Variants in CNTN6 observed in about 807,000 individuals in gnomAD.
The protein encoded by CNTN6 is contactin-6.
In CNTN6, 137 loss-of-function variants were observed where a neutral mutation model predicts 122.8. The ratio of observed to expected loss-of-function variants is 1.12; its 90% CI spans 0.97 to 1.29. The LOEUF is 1.29. CNTN6 is among the 50% of genes most tolerant of loss of function. The pLI is 0.00. For synonymous variants in CNTN6, 570 were observed against 426.0 expected (o/e 1.34, Z -4.16); for missense variants, 1,634 against 1,223.4 (o/e 1.34, Z -5.01).
intron 7 of CNTN6, among the ~76,000 whole-genome samples, chr3:1,320,627 T>C (rs1014328305): frequency 6.6e-6 from 1 of 151,748 alleles, no homozygotes; most frequent in Non-Finnish European, 1.5e-5. Context: ...ATTATTCAAA[T>C]CATCTAAAAA....
intron 4 of CNTN6, among the ~76,000 whole-genome samples, chr3:1,256,073 G>A (rs1464613382): frequency 6.6e-6 from 1 of 151,928 alleles, no homozygotes. Context: ...GTCTCCCTAT[G>A]TTGCCCACGC....
chr3:1,128,178 C>G (rs1396488114), intron 1 of CNTN6: 2 of 151,918 alleles, frequency 1.3e-5, no homozygotes, highest in Non-Finnish European at 2.9e-5. Flanking sequence ...AAATTGTGAT[C>G]TTTCTTCCAT....
At chr3:1,291,125 C>G (rs892519283) in intron 5 of CNTN6, among the ~76,000 whole-genome samples, 42 of 152,166 alleles carry the variant, frequency 2.8e-4, no homozygotes, top group African/African-American at 1.0e-3. Flanking sequence ...CTGCTCCTCC[C>G]ACATGTTATG....
chr3:1,173,779 A>G (rs889036519), intron 2 of CNTN6, among the ~76,000 whole-genome samples: 2 of 128,622 alleles, frequency 1.6e-5, no homozygotes, highest in Admixed American at 7.3e-5. Flanking sequence ...CTTTTGGGGA[A>G]AAAAAAAAAA....
At chr3:1,300,505 A>C (rs544467451) in intron 7 of CNTN6, among the ~76,000 whole-genome samples, 95 of 138,364 alleles carry the variant, frequency 6.9e-4, no homozygotes, top group Non-Finnish European at 1.0e-3. Flanking sequence ...AAAGAAAAGA[A>C]AGAGAAAGAA....
intron 12 of CNTN6, among the ~76,000 whole-genome samples, chr3:1,369,136 C>G (rs1239193349): frequency 6.6e-6 from 1 of 152,216 alleles, no homozygotes; most frequent in Non-Finnish European, 1.5e-5. Flanking sequence ...CTAGTTTCCT[C>G]TCTCTACCTG....
rs188477353 is a variant in CNTN6, at chr3:1,184,389, C to T, written c.56-36298C>T. Among the ~76,000 whole-genome samples, 75 of 152,198 alleles carry T rather than the reference C, an allele frequency of 4.9e-4. 1 individual carries two copies. The highest frequency in any genetic ancestry group is 1.9e-3 in the South Asian group (9 of 4,824). ...AACCCAGAAATTACAGTGAAGGTAA[C>T]GCTCATATGATAGGATGGGCAGTTT... On this transcript the variant is annotated intron_variant, in intron 2 of 22. Coordinates refer to ENST00000446702, the MANE Select transcript of CNTN6 (RefSeq NM_001289080.2).
At chr3:1,208,970 T>G (rs936496534) in intron 2 of CNTN6, among the ~76,000 whole-genome samples, 3 of 152,184 alleles carry the variant, frequency 2.0e-5, no homozygotes, top group Non-Finnish European at 4.4e-5. Context: ...TTATGTTGGA[T>G]TTATCACTGT....
Position 1,308,322 on chromosome 3 carries a change from T to TGTGTGTGTGTGC in CNTN6, c.761+10332_761+10333insTGTGTGTGTGCG, listed in dbSNP as rs940409528. ...GTGTGTGTGTGTGTGTGTGTGTGTG[T>TGTGTGTGTGTGC]GCACCTGTTAGCACTTTCTTATTTA... On this transcript the variant is annotated intron_variant, in intron 7 of 22. Coordinates refer to ENST00000446702, the MANE Select transcript of CNTN6 (RefSeq NM_001289080.2). 4.0e-5 allele frequency among the ~76,000 whole-genome samples: 6 copies of TGTGTGTGTGTGC among 149,486 alleles called. No homozygotes were observed. In the East Asian group the frequency reaches 1.2e-3, roughly 30 times the overall value.
chr3:1,314,956 G>T (rs116588042), intron 7 of CNTN6, among the ~76,000 whole-genome samples: 14 of 152,030 alleles, frequency 9.2e-5, no homozygotes, highest in African/African-American at 3.4e-4. Context: ...TAAGAGAATT[G>T]CTTCATATTG....
At chr3:1,268,954 C>T (rs914692211) in intron 4 of CNTN6, among the ~76,000 whole-genome samples, 8 of 151,696 alleles carry the variant, frequency 5.3e-5, no homozygotes, top group South Asian at 2.1e-4. Context: ...GCACTCCAGC[C>T]GAGGCAAGAG....
intron 12 of CNTN6, among the ~76,000 whole-genome samples, chr3:1,366,507 T>C (rs1708241881): frequency 6.6e-6 from 1 of 152,142 alleles, no homozygotes; most frequent in South Asian, 2.1e-4. Context: ...ATGCTTGAGT[T>C]TCTTAAGAAT....
At chr3:1,167,507 G>A (rs1390177371) in intron 2 of CNTN6, among the ~76,000 whole-genome samples, 1 of 152,116 alleles carries the variant, frequency 6.6e-6, no homozygotes, top group Non-Finnish European at 1.5e-5. Flanking sequence ...AAATAATGAA[G>A]TGCCCCGTGA....
At chr3:1,234,404 A>G (rs1374473358) in intron 4 of CNTN6, among the ~76,000 whole-genome samples, 1 of 152,190 alleles carries the variant, frequency 6.6e-6, no homozygotes, top group African/African-American at 2.4e-5. Context: ...AAGCAAGAAC[A>G]AAAACCCTCA....
chr3:1,351,182 C>T (rs972489581), intron 11 of CNTN6, among the ~76,000 whole-genome samples: 4 of 151,794 alleles, frequency 2.6e-5, no homozygotes, highest in African/African-American at 7.2e-5. Context: ...TGCAAATTGT[C>T]GTTGGCTGGT....
chr3:1,385,731 A>C lies in CNTN6; in HGVS notation c.2638A>C (p.Arg880=), dbSNP rs763414030. Residue 880 remains arginine (R), a synonymous_variant, in exon 20 of 23, where the codon AGA becomes CGA. Coordinates refer to ENST00000446702, the MANE Select transcript of CNTN6 (RefSeq NM_001289080.2). ...KANTIYFASV[R]AYNTAGTGPS... ...TAATACCATCTACTTTGCTTCCGTA[A>C]GAGCTTACAACACTGCTGGGACAGG... 1.9e-6 allele frequency: 3 copies of C among 1,614,178 alleles called. No individual in the cohort carries two copies. Among genetic ancestry groups the C allele is most frequent in the Non-Finnish European group, 2.5e-6 (3 of 1,179,980 alleles).
intron 2 of CNTN6, among the ~76,000 whole-genome samples, chr3:1,178,605 C>T (rs1447519776): frequency 6.6e-6 from 1 of 152,124 alleles, no homozygotes; most frequent in Non-Finnish European, 1.5e-5. Context: ...TAGTTTCCTT[C>T]CCCCCACTGT....
intron 11 of CNTN6, among the ~76,000 whole-genome samples, chr3:1,335,232 G>T (rs1702883264): frequency 6.6e-6 from 1 of 152,138 alleles, no homozygotes; most frequent in African/African-American, 2.4e-5. Context: ...GGAATGACAG[G>T]TGAGCTGTAC....
intron 2 of CNTN6, among the ~76,000 whole-genome samples, chr3:1,160,476 T>G (rs1375175827): frequency 1.3e-5 from 2 of 151,358 alleles, no homozygotes; most frequent in African/African-American, 4.9e-5. Flanking sequence ...ATGGCAAGTT[T>G]GCTTACTCTC....
Sources: gnomAD v4.1 joint callset for allele counts (sites outside exome capture counted in the v4.1 genomes callset) on GRCh38, gnomAD v4.1.1 for gene constraint, MANE v1.5 for transcripts, NCBI Gene and HGNC (gene_info 2026-07-23, HGNC 2026-07-21) for gene names.